ATP23: variants seen among roughly 807,000 people sequenced by gnomAD.
ATP23 encodes mitochondrial inner membrane protease ATP23 homolog.
In ATP23, 24 loss-of-function variants were observed where a neutral mutation model predicts 28.5. The ratio of observed to expected loss-of-function variants is 0.84; its 90% confidence interval spans 0.61 to 1.18. The LOEUF is 1.18. Ranked by LOEUF, ATP23 falls within the 50% of genes most tolerant of loss-of-function variation. The pLI, the probability that ATP23 is intolerant of heterozygous loss-of-function variation, is 0.00. For missense variants in ATP23, 274 were observed against 306.4 expected (o/e 0.89, Z 0.79); for synonymous variants, 99 against 108.6 (o/e 0.91, Z 0.55).
intron 2 of ATP23, 51 bp downstream of exon 2, chr12:57,945,724 A>G (rs1402816118): frequency 1.3e-6 from 2 of 1,538,250 alleles, no homozygotes; most frequent in Non-Finnish European, 1.8e-6. Flanking sequence ...GCTGAAAACA[A>G]AAACCAAGTT....
chr12:57,952,312 C>G (rs1490881572), intron 4 of ATP23, among the ~76,000 whole-genome samples: 1 of 152,132 alleles, frequency 6.6e-6, no homozygotes, highest in Non-Finnish European at 1.5e-5. Flanking sequence ...AGATATTATA[C>G]TATTATTGTC....
chr12:57,957,692 G>A lies in ATP23; in HGVS notation c.*802G>A, dbSNP rs115054389. Among the ~76,000 whole-genome samples, 8 of 152,244 alleles carry A rather than the reference G, an allele frequency of 5.3e-5. No individual in the cohort carries two copies. Among genetic ancestry groups the A allele is most frequent in the Non-Finnish European group, 4.4e-5 (3 of 68,022 alleles). On this transcript the variant is annotated 3_prime_UTR_variant, in exon 6 of 6. Transcript: ENST00000300145. Reference sequence around the variant, plus strand: ...TGGAGCTGAGTTAATTTAGAGAGCCGAGCGAAATACAGGGGTAGAGCAAGC... The same window carrying A: ...TGGAGCTGAGTTAATTTAGAGAGCCAAGCGAAATACAGGGGTAGAGCAAGC...
chr12:57,956,584 T>A, intron 5 of ATP23, 103 bp from the exon 6 acceptor site: 2 of 904,234 alleles, frequency 2.2e-6, no homozygotes, highest in South Asian at 2.2e-5. Flanking sequence ...TAAAATAATA[T>A]GAGGAAATTA....
Position 57,959,021 on chromosome 12 carries a change from A to C in ATP23, c.*2131A>C, listed in dbSNP as rs1267639386. On this transcript the variant is annotated 3_prime_UTR_variant, in exon 6 of 6. Coordinates refer to ENST00000300145, the MANE Select transcript of ATP23 (RefSeq NM_033276.4). ...GAAGTGAAGGGAGAAATATTCAAGG[A>C]AATGGAGAGCTTAAAGAAAAAAGAA... Among the ~76,000 whole-genome samples the C allele has an allele frequency of 6.6e-6, 1 of 152,184 alleles. No individual in the cohort carries two copies. Among genetic ancestry groups the C allele is most frequent in the Non-Finnish European group, 1.5e-5 (1 of 68,036 alleles).
chr12:57,958,977 A>C lies in ATP23; in HGVS notation c.*2087A>C, dbSNP rs1956893532. On this transcript the variant is annotated 3_prime_UTR_variant, in exon 6 of 6. Coordinates refer to ENST00000300145, the MANE Select transcript of ATP23 (RefSeq NM_033276.4). ...AGAAAGGCAAAGCCCAGTGCAAGGA[A>C]ATCCAAAAAATGATATAAGAAGTGA... Among the ~76,000 whole-genome samples the C allele has an allele frequency of 6.6e-6, 1 of 152,226 alleles. No homozygotes were observed. The highest frequency in any genetic ancestry group is 2.1e-4 in the South Asian group (1 of 4,832).
chr12:57,947,262 A>C (rs998002307), intron 3 of ATP23, among the ~76,000 whole-genome samples, 186 bp downstream of exon 3: 9 of 152,246 alleles, frequency 5.9e-5, no homozygotes, highest in Non-Finnish European at 1.0e-4. Flanking sequence ...CTTACAGGAA[A>C]GATAAGACAT....
chr12:57,943,643 T>C (rs1956729753), intron 1 of ATP23, among the ~76,000 whole-genome samples: 1 of 151,834 alleles, frequency 6.6e-6, no homozygotes, highest in Non-Finnish European at 1.5e-5. Flanking sequence ...ATTGCATCAC[T>C]GCACTCCAGC....
intron 1 of ATP23, among the ~76,000 whole-genome samples, chr12:57,942,130 C>T (rs1302206541): frequency 1.3e-5 from 2 of 152,168 alleles, no homozygotes; most frequent in Non-Finnish European, 2.9e-5. Context: ...TTTTTTGTCA[C>T]TCACTGTTGT....
chr12:57,948,413 G>A (rs7358584), intron 3 of ATP23, among the ~76,000 whole-genome samples: 41,121 of 151,932 alleles, frequency 0.27, 7,042 homozygotes, highest in East Asian at 0.67. Flanking sequence ...CTCCTGAGTA[G>A]CTGGGATTGC....
At chr12:57,951,673 A>G in intron 3 of ATP23, 85 bp from the exon 4 acceptor site, 1 of 1,456,714 alleles carries the variant, frequency 6.9e-7, no homozygotes, top group South Asian at 1.2e-5. Context: ...TGTGGGGGAG[A>G]GGTGAGGTCA....
intron 1 of ATP23, 39 bp downstream of exon 1, chr12:57,941,927 G>T: frequency 6.2e-7 from 1 of 1,607,230 alleles, no homozygotes; most frequent in South Asian, 1.1e-5. Context: ...TCCACAGAAT[G>T]GGTCTGAGAC....
rs148331874 is a variant in ATP23 at position 57,951,720 on chromosome 12, T to C, written c.316-38T>C. On this transcript the variant is annotated intron_variant, in intron 3 of 5. Transcript: ENST00000300145. The stretch of plus-strand genomic sequence containing the variant: ...AGATCGAGTCTATGGAAGGAGATTT[T>C]AGAATCACTGAACTTCTTTTATTTT... 57 of 1,607,614 alleles carry C rather than the reference T, an allele frequency of 3.5e-5. No individual in the cohort carries two copies. The African/African-American group carries it at 6.0e-4, about 17-fold the overall frequency.
chr12:57,946,609 C>G (rs1041447090), intron 2 of ATP23, among the ~76,000 whole-genome samples: 4 of 151,160 alleles, frequency 2.6e-5, no homozygotes, highest in Non-Finnish European at 4.4e-5. Flanking sequence ...AGGCGCCCAC[C>G]ACCACCCGGC....
Position 57,953,687 on chromosome 12 carries a change from C to G in ATP23, c.535C>G (p.Gln179Glu). 6.2e-7 allele frequency: 1 copy of G among 1,612,752 alleles called. No homozygotes were observed. Among genetic ancestry groups the G allele is most frequent in the Non-Finnish European group, 8.5e-7 (1 of 1,178,836 alleles). ...ACATTTTGGATTAAAACAACACCAC[C>G]AGGTAAAAACTAATATGAAATCACT... ...RLHFGLKQHHQTCVRDRATLS... is the reference protein window; with the variant it reads ...RLHFGLKQHHETCVRDRATLS... The change falls in exon 5 of 6, where the codon CAG becomes GAG. Residue 179 changes from glutamine to glutamate, a missense_variant and splice_region_variant. Gln to Glu is a conservative substitution (Grantham distance 29, BLOSUM62 2). Transcript: ENST00000300145.
chr12:57,942,856 C>T (rs1021041440), intron 1 of ATP23, among the ~76,000 whole-genome samples: 1 of 152,214 alleles, frequency 6.6e-6, no homozygotes, highest in Admixed American at 6.5e-5. Context: ...ACAAATTTCT[C>T]TCCCGTCCCA....
intron 3 of ATP23, among the ~76,000 whole-genome samples, chr12:57,948,882 G>A (rs777147335): frequency 9.9e-5 from 15 of 152,128 alleles, no homozygotes; most frequent in Non-Finnish European, 1.6e-4. Context: ...CTTTATACAT[G>A]TTATACTTTG....
At chr12:57,944,258 T>C (rs538806772) in intron 1 of ATP23, among the ~76,000 whole-genome samples, 1 of 152,324 alleles carries the variant, frequency 6.6e-6, no homozygotes, top group East Asian at 1.9e-4. Flanking sequence ...CAGTAACCTA[T>C]ACCTGACTTT....
chr12:57,956,612 C>A, intron 5 of ATP23, 75 bp from the exon 6 acceptor site: 1 of 1,078,968 alleles, frequency 9.3e-7, no homozygotes, highest in South Asian at 1.8e-5. Context: ...TTAATTCAGA[C>A]ATTAGATAAA....
Position 57,958,466 on chromosome 12 carries a change from C to G in ATP23, c.*1576C>G, listed in dbSNP as rs1053745720. On this transcript the variant is annotated 3_prime_UTR_variant, in exon 6 of 6. Transcript: ENST00000300145. ...GCCTTCAACCACCAAAGCTAAGAACCCTCATGGAGTCCATTGCACCCCCCC... is the reference window on the plus strand; with the variant it reads ...GCCTTCAACCACCAAAGCTAAGAACGCTCATGGAGTCCATTGCACCCCCCC... Among the ~76,000 whole-genome samples the G allele has an allele frequency of 6.6e-6, 1 of 152,152 alleles. No homozygotes were observed. The highest frequency in any genetic ancestry group is 2.4e-5 in the African/African-American group (1 of 41,414).
Sources: gnomAD v4.1 joint callset for allele counts (sites outside exome capture counted in the v4.1 genomes callset) on GRCh38, gnomAD v4.1.1 for gene constraint, MANE v1.5 for transcripts, NCBI Gene and HGNC (gene_info 2026-07-23, HGNC 2026-07-21) for gene names.